Variants in COL4A4 observed in about 807,000 individuals in gnomAD.
The protein encoded by COL4A4 is collagen alpha-4(IV) chain.
A neutral mutation model predicts 192.9 loss-of-function variants in COL4A4; 105 were observed. That is an observed-to-expected ratio of 0.54 (90% CI 0.46 to 0.64). COL4A4 has a LOEUF of 0.64. Ranked by LOEUF, COL4A4 falls within the 30% of genes least tolerant of loss-of-function variation. The probability of loss-of-function intolerance (pLI) is 0.00; values close to 1 mark genes in which losing one functional copy is unlikely to be tolerated. For synonymous variants in COL4A4, 762 were observed against 769.9 expected, an observed-to-expected ratio of 0.99 and a Z score of 0.17; for missense variants, 1,967 against 2,169.3, an observed-to-expected ratio of 0.91 and a Z score of 1.85.
At chr2:226,981,830 G>T in the COL4A4 span, among the ~76,000 whole-genome samples, 1 of 152,154 alleles carries the variant, frequency 6.6e-6, no homozygotes, top group Non-Finnish European at 1.5e-5. Flanking sequence ...CAGCTCTGGG[G>T]TGCAGAGAGC....
chr2:227,002,336 CTT>C (rs907388220), downstream of COL4A4, among the ~76,000 whole-genome samples: 1 of 152,190 alleles, frequency 6.6e-6, no homozygotes, highest in Non-Finnish European at 1.5e-5. Flanking sequence ...TCATAAATCT[CTT>C]TGTAGTTAAC....
chr2:226,988,823 C>A, the COL4A4 span: 1 of 539,464 alleles, frequency 1.9e-6, no homozygotes, highest in Non-Finnish European at 2.4e-6. Flanking sequence ...ACTACCAAGG[C>A]TGACTTTTGC....
At chr2:227,015,101 A>G (rs1418970105) in intron 44 of COL4A4, among the ~76,000 whole-genome samples, 1 of 151,972 alleles carries the variant, frequency 6.6e-6, no homozygotes, top group Admixed American at 6.5e-5. Flanking sequence ...GGGTTTCACC[A>G]TGTTGGCCAG....
At chr2:227,043,507 A>G (rs1361373379) in intron 35 of COL4A4, among the ~76,000 whole-genome samples, 3 of 152,186 alleles carry the variant, frequency 2.0e-5, no homozygotes, top group Non-Finnish European at 4.4e-5. Context: ...ATGAATGGCC[A>G]GTAGCTTTTT....
At chr2:227,090,257 CAAAT>C (rs1273939846) in intron 20 of COL4A4, among the ~76,000 whole-genome samples, 3 of 151,950 alleles carry the variant, frequency 2.0e-5, no homozygotes, top group Non-Finnish European at 4.4e-5. Flanking sequence ...CAAAACAAAA[CAAAT>C]AAACAAAAAA....
intron 18 of COL4A4, among the ~76,000 whole-genome samples, chr2:227,099,256 G>A (rs2060371569): frequency 6.6e-6 from 1 of 151,998 alleles, no homozygotes; most frequent in Admixed American, 6.6e-5. Context: ...TAGTAGAGAT[G>A]GGATTTCACC....
At chr2:226,996,637 A>G in the COL4A4 span, 1 of 152,246 alleles carries the variant, frequency 6.6e-6, no homozygotes, top group South Asian at 2.1e-4. Flanking sequence ...TATGCACATA[A>G]TAGATATGCC....
chr2:227,032,378 G>A, intron 38 of COL4A4, 102 bp from the exon 39 acceptor site: 2 of 1,358,618 alleles, frequency 1.5e-6, no homozygotes, highest in Non-Finnish European at 1.0e-6. Flanking sequence ...AGGAGTGGCT[G>A]GTTCTGCAGA....
In COL4A4 at chr2:227,099,685, TC is replaced by T. The variant is rs1553681700; in HGVS notation, c.1033del (p.Asp345IlefsTer15). ...GLFGLIGPKG[D>X]PGNRGHPGPP... Reference sequence around the variant, plus strand: ...TCCTGGGTGCCCTCGATTTCCAGGATCCCCCTGAAATCATTCATTCATTCAC... The same window carrying T: ...TCCTGGGTGCCCTCGATTTCCAGGATCCCCTGAAATCATTCATTCATTCAC... On this transcript the variant is annotated frameshift_variant, in exon 18 of 48. Transcript: ENST00000396625. LOFTEE classifies it high-confidence loss of function. The T allele has an allele frequency of 1.2e-6, 2 of 1,613,706 alleles. No homozygotes were observed. The highest frequency in any genetic ancestry group is 1.7e-6 in the Non-Finnish European group (2 of 1,179,658).
chr2:227,044,137 T>C (rs1036693145), intron 35 of COL4A4, among the ~76,000 whole-genome samples: 6 of 152,226 alleles, frequency 3.9e-5, no homozygotes, highest in African/African-American at 1.4e-4. Context: ...GAGTAAGTGC[T>C]GCACTGACTC....
rs575909385 is a variant in COL4A4 at position 227,037,898 on chromosome 2, G to C, written c.3505+4250C>G. ...CCGCATAAATGTCTTTTTGAGAAGT[G>C]TCTGTTTATATCCTTCGCCCACTTT... On this transcript the variant is annotated intron_variant, in intron 37 of 47. Transcript: ENST00000396625. Among the ~76,000 whole-genome samples, 5 of 152,290 alleles carry C rather than the reference G, an allele frequency of 3.3e-5. No individual in the cohort carries two copies. The South Asian group carries it at 1.0e-3, about 32-fold the overall frequency.
At chr2:227,013,981 T>C (rs548682990) in intron 44 of COL4A4, among the ~76,000 whole-genome samples, 2 of 152,226 alleles carry the variant, frequency 1.3e-5, no homozygotes, top group South Asian at 4.1e-4. Context: ...ATGAAAAGGA[T>C]GCATGGAGGT....
chr2:227,134,100 G>A lies in COL4A4; in HGVS notation c.192+6061C>T, dbSNP rs11903563. ...AAGCTGGTGGGCTGAATTTTACTGG[G>A]GAGTGTGTTTAATTGCTAGGCACTG... On this transcript the variant is annotated intron_variant, in intron 4 of 47. Coordinates refer to ENST00000396625, the MANE Select transcript of COL4A4 (RefSeq NM_000092.5). 2.8e-4 allele frequency among the ~76,000 whole-genome samples: 43 copies of A among 152,202 alleles called. No individual in the cohort carries two copies. In the East Asian group the frequency reaches 6.6e-3, roughly 23 times the overall value.
intron 4 of COL4A4, among the ~76,000 whole-genome samples, chr2:227,131,472 C>T (rs1559701937): frequency 6.6e-6 from 1 of 152,042 alleles, no homozygotes; most frequent in Non-Finnish European, 1.5e-5. Flanking sequence ...GCTTTTTAAG[C>T]TGCATTGCAT....
At chr2:227,141,728 T>C (rs960146464) in intron 3 of COL4A4, among the ~76,000 whole-genome samples, 1 of 152,168 alleles carries the variant, frequency 6.6e-6, no homozygotes, top group Non-Finnish European at 1.5e-5. Context: ...ATTTGAAGTT[T>C]CAGAAATATA....
the COL4A4 span, among the ~76,000 whole-genome samples, chr2:226,990,970 G>A: frequency 6.6e-6 from 1 of 152,122 alleles, no homozygotes; most frequent in Non-Finnish European, 1.5e-5. Flanking sequence ...AGAAGATCTT[G>A]GCTGGACACT....
At position 227,004,118 on chromosome 2, in the gene COL4A4, C is replaced by T. The variant is rs1961565910; in HGVS notation, c.*3207G>A. ...GTGCTAGGCATTAGGCATACAAAAA[C>T]GAGTCAAGCATGGTCCCTGCCCTCA... On this transcript the variant is annotated 3_prime_UTR_variant, in exon 48 of 48. Coordinates refer to ENST00000396625, the MANE Select transcript of COL4A4 (RefSeq NM_000092.5). 1 of 152,164 alleles carries T rather than the reference C, an allele frequency of 6.6e-6. No homozygotes were observed. Among genetic ancestry groups the T allele is most frequent in the Non-Finnish European group, 1.5e-5 (1 of 68,036 alleles). The allele number at this position is 152,164 out of a possible 1,614,324, so 9.4% of individuals were successfully genotyped here. A position where few individuals can be genotyped will look rare whatever the true frequency, so the allele number is the denominator to read the frequency against.
At chr2:227,053,865 A>T (rs373023247) in intron 31 of COL4A4, among the ~76,000 whole-genome samples, 1 of 151,794 alleles carries the variant, frequency 6.6e-6, no homozygotes, top group Non-Finnish European at 1.5e-5. Flanking sequence ...TTTTTTTCAA[A>T]TGAAGCTTGG....
chr2:227,127,228 C>T (rs1466261320), intron 4 of COL4A4, among the ~76,000 whole-genome samples: 12 of 152,228 alleles, frequency 7.9e-5, no homozygotes, highest in African/African-American at 2.9e-4. Context: ...AGTCAGAAGA[C>T]AGAGCCGCTG....
Sources: gnomAD v4.1 joint callset for allele counts (sites outside exome capture counted in the v4.1 genomes callset) on GRCh38, gnomAD v4.1.1 for gene constraint, MANE v1.5 for transcripts, NCBI Gene and HGNC (gene_info 2026-07-23, HGNC 2026-07-21) for gene names.